The following USP25 variants were observed in gnomAD, a reference collection of about 807,000 sequenced individuals.
The protein encoded by USP25 is ubiquitin specific peptidase 25.
In USP25, 85 loss-of-function variants were observed where a neutral mutation model predicts 158.5. The ratio of observed to expected loss-of-function variants is 0.54; its 90% CI spans 0.45 to 0.64. The LOEUF (loss-of-function observed/expected upper bound fraction) is 0.64. USP25 is among the 30% of genes least tolerant of loss of function. The pLI, the probability that USP25 is intolerant of heterozygous loss-of-function variation, is 0.00. For synonymous variants in USP25, 464 were observed against 460.4 expected (o/e 1.01, Z -0.10); for missense variants, 1,242 against 1,327.3 (o/e 0.94, Z 1.00).
At chr21:15,858,321 C>A (rs554798944) in intron 20 of USP25, among the ~76,000 whole-genome samples, 6 of 151,614 alleles carry the variant, frequency 4.0e-5, no homozygotes, top group Admixed American at 3.9e-4. Context: ...GAACATGATA[C>A]GCCTTTTCAC....
At chr21:15,813,178 C>T (rs760098372) in intron 9 of USP25, among the ~76,000 whole-genome samples, 18 of 152,148 alleles carry the variant, frequency 1.2e-4, no homozygotes, top group Non-Finnish European at 1.9e-4. Flanking sequence ...TTCCGTGCTC[C>T]CAATCCTATA....
intron 4 of USP25, among the ~76,000 whole-genome samples, chr21:15,783,635 A>G (rs968586036): frequency 2.0e-5 from 3 of 152,070 alleles, no homozygotes; most frequent in African/African-American, 4.8e-5. Flanking sequence ...GTCAGCAGAG[A>G]ATATATCCGG....
intron 24 of USP25, chr21:15,876,656 G>A (rs2040108977): frequency 1.3e-5 from 2 of 152,364 alleles, no homozygotes; most frequent in Admixed American, 1.3e-4. Flanking sequence ...CTGTCCCTAT[G>A]ATCTGATCAC....
rs1423786784 is a variant in USP25 at position 15,826,099 on chromosome 21, T to C, written c.1305-105T>C. 3.4e-6 allele frequency: 4 copies of C among 1,189,810 alleles called. No homozygotes were observed. The highest frequency in any genetic ancestry group is 4.7e-6 in the Non-Finnish European group (4 of 855,402). The allele number at this position is 1,189,810 out of a possible 1,614,324, so 73.7% of individuals were successfully genotyped here. A position where few individuals can be genotyped will look rare whatever the true frequency, so the allele number is the denominator to read the frequency against. On this transcript the variant is annotated intron_variant, in intron 12 of 25. Transcript: ENST00000400183. This position sits in a 1 kb window ranked among gnomAD's most constrained non-coding sequence, Gnocchi z 4.8. ...TTTTAAAGCAAATGAATTTTATTGC[T>C]GAGGAAGTTTTATTGAAGTATCGTA...
chr21:15,754,282 T>C (rs1220942214), intron 1 of USP25, among the ~76,000 whole-genome samples: 5 of 152,194 alleles, frequency 3.3e-5, no homozygotes, highest in African/African-American at 1.2e-4. Flanking sequence ...GGGATAAGCT[T>C]GTCTTGTGAT....
chr21:15,839,483 T>C (rs576791642), intron 17 of USP25, among the ~76,000 whole-genome samples: 1 of 152,298 alleles, frequency 6.6e-6, no homozygotes, highest in Non-Finnish European at 1.5e-5. Context: ...ATATAACCAG[T>C]ACATGTTACA....
intron 9 of USP25, among the ~76,000 whole-genome samples, chr21:15,812,368 G>A (rs1333944000): frequency 6.6e-6 from 1 of 152,072 alleles, no homozygotes; most frequent in Non-Finnish European, 1.5e-5. Flanking sequence ...TAATTTGTTG[G>A]CTGGGTGCGG....
At chr21:15,765,873 CAT>C (rs1441491279) in intron 2 of USP25, 122 bp from the exon 3 acceptor site, 8 of 850,272 alleles carry the variant, frequency 9.4e-6, no homozygotes, top group Non-Finnish European at 1.2e-5. Flanking sequence ...ATTAGAATCA[CAT>C]ATAGATTAAT....
chr21:15,878,498 A>C lies in USP25; in HGVS notation c.*23A>C. The C allele has an allele frequency of 1.9e-6, 3 of 1,611,464 alleles. No homozygotes were observed. Among genetic ancestry groups the C allele is most frequent in the Non-Finnish European group, 2.5e-6 (3 of 1,178,538 alleles). On this transcript the variant is annotated 3_prime_UTR_variant, in exon 26 of 26. Transcript: ENST00000400183. ...TAAACTGCACACTTTCCCTGAACACACTGTATAAACTCTTTTTAGTTCTTA... is the reference window on the plus strand; with the variant it reads ...TAAACTGCACACTTTCCCTGAACACCCTGTATAAACTCTTTTTAGTTCTTA...
At chr21:15,787,906 C>CG (rs1568805112) in intron 4 of USP25, among the ~76,000 whole-genome samples, 1 of 144,204 alleles carries the variant, frequency 6.9e-6, no homozygotes, top group African/African-American at 2.6e-5. Flanking sequence ...CCCCTCACCC[C>CG]CCCCCCAAGT....
intron 3 of USP25, among the ~76,000 whole-genome samples, chr21:15,775,379 C>A (rs1026453287): frequency 2.0e-5 from 3 of 152,144 alleles, no homozygotes; most frequent in Admixed American, 6.5e-5. Flanking sequence ...ACTGGAAGGA[C>A]TGGAGGAAAG....
intron 1 of USP25, among the ~76,000 whole-genome samples, chr21:15,758,474 A>G (rs1470661518): frequency 2.0e-5 from 3 of 152,124 alleles, no homozygotes; most frequent in African/African-American, 4.8e-5. Flanking sequence ...TCCCCTGAAG[A>G]TGCTCTCTTG....
chr21:15,850,010 A>G, intron 20 of USP25, 138 bp downstream of exon 20: 1 of 601,926 alleles, frequency 1.7e-6, no homozygotes, highest in South Asian at 2.6e-5. Context: ...CGGATATCCT[A>G]GGGTTTTATT....
intron 7 of USP25, among the ~76,000 whole-genome samples, chr21:15,808,530 T>A (rs1023751953): frequency 6.6e-6 from 1 of 150,596 alleles, no homozygotes; most frequent in East Asian, 1.9e-4. Context: ...ATCTCATTTG[T>A]AAGTTTGGTT....
In USP25 at chr21:15,866,328, A is replaced by G; in HGVS notation, c.2789A>G (p.Asn930Ser). The G allele has an allele frequency of 1.2e-6, 2 of 1,604,214 alleles. No individual in the cohort carries two copies. Among genetic ancestry groups the G allele is most frequent in the Non-Finnish European group, 1.7e-6 (2 of 1,175,318 alleles). Reference protein sequence around the residue: ...KLEMIKPEEVNLEEYEEWHQD... With the variant: ...KLEMIKPEEVSLEEYEEWHQD... The stretch of plus-strand genomic sequence containing the variant: ...GAAATGATAAAACCTGAAGAAGTAA[A>G]CTTGGAGGAATATGAGGTAATGTGC... The change falls in exon 22 of 26, where the codon AAC becomes AGC. Residue 930 changes from asparagine (N) to serine (S), a missense_variant. Around this residue, in one of 3 missense-constraint regions of USP25, gnomAD observed 608 missense variants for 605.2 expected, o/e 1.00. Transcript: ENST00000400183.
intron 22 of USP25, among the ~76,000 whole-genome samples, chr21:15,869,065 G>A: frequency 6.6e-6 from 1 of 152,072 alleles, no homozygotes; most frequent in East Asian, 1.9e-4. Context: ...GGCCAACATA[G>A]CAAGACCCTG....
chr21:15,770,256 A>T (rs1299305596), intron 3 of USP25, among the ~76,000 whole-genome samples: 1 of 152,114 alleles, frequency 6.6e-6, no homozygotes, highest in African/African-American at 2.4e-5. Context: ...ACGATTTTTG[A>T]TGACTCACAG....
intron 4 of USP25, among the ~76,000 whole-genome samples, chr21:15,789,335 A>C (rs972217041): frequency 1.3e-5 from 2 of 152,104 alleles, no homozygotes; most frequent in African/African-American, 4.8e-5. Context: ...TGAAAAATGT[A>C]CTTAGGGTGT....
chr21:15,788,230 T>C (rs9980755), intron 4 of USP25, among the ~76,000 whole-genome samples: 3,844 of 151,918 alleles, frequency 0.025, 167 homozygotes, highest in African/African-American at 0.085. Context: ...TGTCTTATAC[T>C]TAAGAGCTTG....
Sources: allele counts gnomAD v4.1 joint callset (sites outside exome capture counted in the v4.1 genomes callset), GRCh38; gene constraint gnomAD v4.1.1; regional missense constraint gnomAD v4.1.1; non-coding constraint Gnocchi (gnomAD v3.1); transcripts MANE v1.5; gene names NCBI Gene and HGNC (gene_info 2026-07-23, HGNC 2026-07-21).